EPHA7: variants seen among roughly 807,000 people sequenced by gnomAD.
EPHA7 encodes ephrin type-A receptor 7.
A neutral mutation model predicts 112.6 loss-of-function variants in EPHA7; 25 were observed. That is an observed-to-expected ratio of 0.22 (90% confidence interval 0.16 to 0.31). EPHA7 has a LOEUF of 0.31. EPHA7 is among the 10% of genes least tolerant of loss of function. The pLI, the probability that EPHA7 is intolerant of heterozygous loss-of-function variation, is 1.00. For missense variants in EPHA7, 962 were observed against 1,212.6 expected, an observed-to-expected ratio of 0.79 and a Z score of 3.07; for synonymous variants, 437 against 406.5, an observed-to-expected ratio of 1.07 and a Z score of -0.90.
At chr6:93,339,534 A>G (rs1449094630) in intron 5 of EPHA7, among the ~76,000 whole-genome samples, 4 of 151,812 alleles carry the variant, frequency 2.6e-5, no homozygotes, top group African/African-American at 7.2e-5. Flanking sequence ...AGATTAACTA[A>G]TAAGATAAAG....
intron 5 of EPHA7, among the ~76,000 whole-genome samples, chr6:93,339,922 A>G (rs927794694): frequency 7.2e-5 from 11 of 151,868 alleles, no homozygotes; most frequent in African/African-American, 1.9e-4. Context: ...CCCTTTATCT[A>G]TATAAGTCAG....
chr6:93,400,955 T>G (rs754931454), intron 3 of EPHA7, among the ~76,000 whole-genome samples: 4 of 152,164 alleles, frequency 2.6e-5, no homozygotes, highest in Non-Finnish European at 5.9e-5. Flanking sequence ...ATTGATATTA[T>G]GCTTTATTCA....
intron 5 of EPHA7, among the ~76,000 whole-genome samples, chr6:93,331,049 T>C (rs1161375743): frequency 6.6e-6 from 1 of 151,470 alleles, no homozygotes; most frequent in Non-Finnish European, 1.5e-5. Flanking sequence ...AGTGGGCATA[T>C]ATGTCAAACA....
chr6:93,258,517 T>A (rs968818503), intron 10 of EPHA7, among the ~76,000 whole-genome samples: 1 of 151,850 alleles, frequency 6.6e-6, no homozygotes, highest in Non-Finnish European at 1.5e-5. Flanking sequence ...ATGGCATAAA[T>A]GAAATTAAAA....
At chr6:93,259,744 T>C (rs897384455) in intron 9 of EPHA7, among the ~76,000 whole-genome samples, 4 of 152,002 alleles carry the variant, frequency 2.6e-5, no homozygotes, top group Non-Finnish European at 5.9e-5. Flanking sequence ...CACCAAAATT[T>C]CTGACATGCC....
rs1266854905 is a variant in EPHA7, at chr6:93,264,599, C to G, written c.1737G>C (p.Gly579=). ...AGAACAACTTTGTGTTCTACCTTCT[C>G]CCAATGATGAAGCCAAAGACCATGA... ...LVFMVFGFII[G]RRHCGYSKAD... The change falls in exon 8 of 17, where the codon GGG becomes GGC. Residue 579 remains glycine (G), a synonymous_variant. Coordinates refer to ENST00000369303, the MANE Select transcript of EPHA7 (RefSeq NM_004440.4). 19 of 1,596,728 alleles carry G rather than the reference C, an allele frequency of 1.2e-5. No homozygotes were observed.
intron 9 of EPHA7, among the ~76,000 whole-genome samples, chr6:93,262,569 T>G (rs559708373): frequency 3.3e-5 from 5 of 151,440 alleles, no homozygotes; most frequent in Non-Finnish European, 7.4e-5. Context: ...TATTAAACTT[T>G]ATAATAAAGC....
intron 2 of EPHA7, 29 bp from the exon 3 acceptor site, chr6:93,411,199 C>T: frequency 6.4e-7 from 1 of 1,563,522 alleles, no homozygotes; most frequent in Non-Finnish European, 8.7e-7. Context: ...GGTCATCAGT[C>T]ATTCAGCAAA....
chr6:93,418,799 C>A (rs1289072580), intron 1 of EPHA7, among the ~76,000 whole-genome samples: 2 of 152,168 alleles, frequency 1.3e-5, no homozygotes, highest in Non-Finnish European at 2.9e-5. Context: ...CGCCGGCGGG[C>A]TGGCGGAGAC....
intron 3 of EPHA7, among the ~76,000 whole-genome samples, chr6:93,375,671 A>G (rs1026754105): frequency 6.6e-6 from 1 of 151,942 alleles, no homozygotes; most frequent in African/African-American, 2.4e-5. Flanking sequence ...GCTAGTATAG[A>G]TAAAAAATTC....
chr6:93,274,591 G>A (rs527668040), intron 5 of EPHA7, among the ~76,000 whole-genome samples: 19 of 151,950 alleles, frequency 1.3e-4, no homozygotes, highest in African/African-American at 4.6e-4. Flanking sequence ...ATCCATATCT[G>A]TAAGTGAATA....
At chr6:93,366,315 G>A (rs1417839876) in intron 3 of EPHA7, among the ~76,000 whole-genome samples, 1 of 152,108 alleles carries the variant, frequency 6.6e-6, no homozygotes, top group Non-Finnish European at 1.5e-5. Context: ...TACAATTGGG[G>A]CAAAGCCACT....
At chr6:93,399,376 TAA>T (rs1285984273) in intron 3 of EPHA7, among the ~76,000 whole-genome samples, 3 of 152,032 alleles carry the variant, frequency 2.0e-5, no homozygotes, top group Non-Finnish European at 4.4e-5. Flanking sequence ...TACTTGAAAA[TAA>T]AGAAGTTTGT....
intron 3 of EPHA7, among the ~76,000 whole-genome samples, chr6:93,390,282 GA>G (rs1777839064): frequency 6.7e-6 from 1 of 148,902 alleles, no homozygotes; most frequent in African/African-American, 2.5e-5. Flanking sequence ...TACAAGAAAA[GA>G]AAAAAATTAT....
chr6:93,295,545 G>A (rs1459542069), intron 5 of EPHA7, among the ~76,000 whole-genome samples: 2 of 151,244 alleles, frequency 1.3e-5, no homozygotes, highest in South Asian at 2.1e-4. Flanking sequence ...TATATATGAC[G>A]TTTTCTTCCA....
intron 7 of EPHA7, among the ~76,000 whole-genome samples, chr6:93,265,011 T>G (rs1405629388): frequency 2.0e-5 from 3 of 151,676 alleles, no homozygotes; most frequent in Non-Finnish European, 4.4e-5. Context: ...CTGATCTGCA[T>G]GTGCTATTAA....
intron 3 of EPHA7, among the ~76,000 whole-genome samples, chr6:93,363,062 G>A (rs1339270130): frequency 3.9e-5 from 6 of 152,180 alleles, no homozygotes; most frequent in Admixed American, 2.6e-4. Flanking sequence ...TGAACATTAA[G>A]GCACTGATAA....
chr6:93,347,619 T>A (rs1157472451), intron 5 of EPHA7, among the ~76,000 whole-genome samples: 2 of 151,844 alleles, frequency 1.3e-5, no homozygotes, highest in Non-Finnish European at 1.5e-5. Context: ...TACCACAGAC[T>A]GAGGGGCTTA....
intron 5 of EPHA7, among the ~76,000 whole-genome samples, chr6:93,351,815 A>G (rs1006265305): frequency 2.0e-5 from 3 of 152,080 alleles, no homozygotes; most frequent in African/African-American, 7.2e-5. Flanking sequence ...TATTTTAATT[A>G]CTGCTCTTAT....
Sources: gnomAD v4.1 joint callset for allele counts (sites outside exome capture counted in the v4.1 genomes callset) on GRCh38, gnomAD v4.1.1 for gene constraint, MANE v1.5 for transcripts, NCBI Gene and HGNC (gene_info 2026-07-23, HGNC 2026-07-21) for gene names.